SLC36A1: variants seen among roughly 807,000 people sequenced by gnomAD.
The protein encoded by SLC36A1 is proton-coupled amino acid transporter 1.
In SLC36A1, 30 loss-of-function variants were observed where a neutral mutation model predicts 47.5. That is an observed-to-expected ratio of 0.63 (90% CI 0.47 to 0.86). The LOEUF is 0.86. Among genes scored for constraint, SLC36A1 ranks in the 40% least tolerant of loss-of-function variants. SLC36A1 has a pLI of 0.00. For synonymous variants in SLC36A1, 255 were observed against 249.7 expected, an observed-to-expected ratio of 1.02 and a Z score of -0.20; for missense variants, 517 against 606.0, an observed-to-expected ratio of 0.85 and a Z score of 1.54.
At chr5:151,467,977 C>G (rs1355275247) in intron 7 of SLC36A1, 52 bp downstream of exon 7, 1 of 1,525,226 alleles carries the variant, frequency 6.6e-7, no homozygotes, top group Admixed American at 1.7e-5. Flanking sequence ...TTAAAAAAGC[C>G]AGGCGTGGTA....
the SLC36A1 span, among the ~76,000 whole-genome samples, chr5:151,426,000 A>ATCTATCTG: frequency 6.6e-6 from 1 of 150,994 alleles, no homozygotes; most frequent in African/African-American, 2.4e-5. Flanking sequence ...CTATCTATCT[A>ATCTATCTG]TCTATACCTA....
At chr5:151,539,007 C>T in the SLC36A1 span, among the ~76,000 whole-genome samples, 1 of 152,040 alleles carries the variant, frequency 6.6e-6, no homozygotes. Flanking sequence ...CCCCAGGCCT[C>T]TTTTTTCTGT....
intron 7 of SLC36A1, among the ~76,000 whole-genome samples, chr5:151,471,260 G>A (rs1757277039): frequency 1.3e-5 from 2 of 152,216 alleles, no homozygotes; most frequent in Admixed American, 6.5e-5. Context: ...TTGACGACAA[G>A]GGAGGACTTA....
the SLC36A1 span, among the ~76,000 whole-genome samples, chr5:151,498,431 G>A: frequency 6.6e-6 from 1 of 152,176 alleles, no homozygotes; most frequent in Non-Finnish European, 1.5e-5. Flanking sequence ...CAAATCCAGT[G>A]AAGGAAAGTA....
the SLC36A1 span, among the ~76,000 whole-genome samples, chr5:151,555,429 G>A: frequency 2.8e-5 from 4 of 142,222 alleles, no homozygotes; most frequent in Non-Finnish European, 6.0e-5. Context: ...GGAGTTCAGT[G>A]GCACGATCTC....
At chr5:151,525,387 A>C in the SLC36A1 span, among the ~76,000 whole-genome samples, 2 of 152,208 alleles carry the variant, frequency 1.3e-5, no homozygotes, top group African/African-American at 2.4e-5. Context: ...TGAGGTTCAG[A>C]GAGCTGTTCT....
chr5:151,507,450 T>G, the SLC36A1 span: 1 of 1,614,124 alleles, frequency 6.2e-7, no homozygotes, highest in Non-Finnish European at 8.5e-7. Context: ...CTTGTGAGAC[T>G]TGCAACGGCG....
the SLC36A1 span, among the ~76,000 whole-genome samples, chr5:151,406,014 C>A: frequency 6.6e-6 from 1 of 152,186 alleles, no homozygotes; most frequent in Non-Finnish European, 1.5e-5. Context: ...GTTTCAGTGC[C>A]TTTGCAGCAA....
At chr5:151,502,700 G>C in the SLC36A1 span, among the ~76,000 whole-genome samples, 17 of 148,334 alleles carry the variant, frequency 1.1e-4, 1 homozygote, top group Non-Finnish European at 2.1e-4. Context: ...TTCACTGCTG[G>C]TGGGAACGTG....
the SLC36A1 span, among the ~76,000 whole-genome samples, chr5:151,388,132 T>C: frequency 3.3e-5 from 5 of 152,204 alleles, no homozygotes; most frequent in Non-Finnish European, 7.3e-5. Context: ...AAGTCTGGCC[T>C]CTTTTTAAGT....
intron 3 of SLC36A1, 73 bp from the exon 4 acceptor site, chr5:151,464,441 G>A: frequency 2.3e-6 from 3 of 1,310,562 alleles, no homozygotes; most frequent in Non-Finnish European, 3.3e-6. Context: ...TTTGTGAACT[G>A]AGTATCCATT....
chr5:151,450,254 C>T (rs1753441021), intron 1 of SLC36A1, among the ~76,000 whole-genome samples: 1 of 152,004 alleles, frequency 6.6e-6, no homozygotes, highest in African/African-American at 2.4e-5. Flanking sequence ...GAGCTGATGT[C>T]CACTTACTAG....
chr5:151,399,084 A>ATATATATATATATATATATATTT, the SLC36A1 span, among the ~76,000 whole-genome samples: 2 of 60,068 alleles, frequency 3.3e-5, no homozygotes, highest in African/African-American at 1.1e-4. Context: ...ATATATATAT[A>ATATATATATATATATATATATTT]TTTTTTTTTT....
At chr5:151,368,295 C>T in the SLC36A1 span, among the ~76,000 whole-genome samples, 2,292 of 152,294 alleles carry the variant, frequency 0.015, 42 homozygotes, top group African/African-American at 0.051. Flanking sequence ...CTTACTGTGG[C>T]GCTTATAAGC....
chr5:151,347,844 C>T, the SLC36A1 span, among the ~76,000 whole-genome samples: 1 of 152,056 alleles, frequency 6.6e-6, no homozygotes, highest in Admixed American at 6.5e-5. Context: ...CTCATTTAAC[C>T]CTATCAATTA....
At chr5:151,449,484 G>T (rs1413508999) in intron 1 of SLC36A1, among the ~76,000 whole-genome samples, 1 of 152,184 alleles carries the variant, frequency 6.6e-6, no homozygotes, top group African/African-American at 2.4e-5. Context: ...TGATTGTATC[G>T]TTTATATTCG....
chr5:151,399,750 C>T, the SLC36A1 span, among the ~76,000 whole-genome samples: 1 of 152,166 alleles, frequency 6.6e-6, no homozygotes, highest in Non-Finnish European at 1.5e-5. Flanking sequence ...ATGAGACCCA[C>T]TGAAAAGAGA....
At chr5:151,384,970 G>GCA in the SLC36A1 span, among the ~76,000 whole-genome samples, 4 of 115,784 alleles carry the variant, frequency 3.5e-5, no homozygotes, top group African/African-American at 2.1e-4. Flanking sequence ...AGTGAGGTGT[G>GCA]TATGTGTGTG....
chr5:151,522,002 C>G, the SLC36A1 span: 1 of 1,614,168 alleles, frequency 6.2e-7, no homozygotes, highest in Non-Finnish European at 8.5e-7. Context: ...AGTGGGAGAG[C>G]AGAAGGTGCA....
Sources: allele counts gnomAD v4.1 joint callset (sites outside exome capture counted in the v4.1 genomes callset), GRCh38; gene constraint gnomAD v4.1.1; transcripts MANE v1.5; gene names NCBI Gene and HGNC (gene_info 2026-07-23, HGNC 2026-07-21).